FKBP4: variants seen among roughly 807,000 people sequenced by gnomAD.
The protein encoded by FKBP4 is peptidyl-prolyl cis-trans isomerase FKBP4.
A neutral mutation model predicts 54.1 loss-of-function variants in FKBP4; 28 were observed. The observed-to-expected ratio is 0.52, with a 90% CI of 0.38 to 0.71. The LOEUF (loss-of-function observed/expected upper bound fraction) is 0.71, where lower values mean the gene tolerates loss of function less well. FKBP4 is among the 30% of genes least tolerant of loss of function. The pLI is 0.00. For missense variants in FKBP4, 493 were observed against 574.4 expected, an observed-to-expected ratio of 0.86 and a Z score of 1.45; for synonymous variants, 223 against 216.1, an observed-to-expected ratio of 1.03 and a Z score of -0.28.
Position 2,800,930 on chromosome 12 carries a change from C to T in FKBP4, c.1033-187C>T, listed in dbSNP as rs145997787. ...AAAGACCTGCTGTCTTCCCTCTCTGCCTGTTGGATTAAATGAGGTCCCTGG... is the reference window on the plus strand; with the variant it reads ...AAAGACCTGCTGTCTTCCCTCTCTGTCTGTTGGATTAAATGAGGTCCCTGG... On this transcript the variant is annotated intron_variant, in intron 8 of 9. Coordinates refer to ENST00000001008, the MANE Select transcript of FKBP4 (RefSeq NM_002014.4). Among the ~76,000 whole-genome samples, 573 of 150,446 alleles carry T rather than the reference C, an allele frequency of 3.8e-3. 1 individual carries two copies. The highest frequency in any genetic ancestry group is 5.2e-3 in the Non-Finnish European group (354 of 67,658).
chr12:2,802,884 C>T (rs561384613), intron 9 of FKBP4, among the ~76,000 whole-genome samples: 9 of 152,254 alleles, frequency 5.9e-5, no homozygotes, highest in East Asian at 3.9e-4. Context: ...CATGCCACCA[C>T]GCCCAGGTAA....
At position 2,795,123 on chromosome 12, in the gene FKBP4, C is replaced by G. The variant is rs2097900891; in HGVS notation, c.-17C>G. On this transcript the variant is annotated 5_prime_UTR_variant, in exon 1 of 10. Coordinates refer to ENST00000001008, the MANE Select transcript of FKBP4 (RefSeq NM_002014.4). This position sits in a 1 kb window ranked among gnomAD's most constrained non-coding sequence, Gnocchi z 4.3. ...GCGCCGGCACCAGCTCCCGGATAAA[C>G]GGCGCGCCGCGCGGAGATGACAGCC... 1 of 1,293,042 alleles carries G rather than the reference C, an allele frequency of 7.7e-7. No individual in the cohort carries two copies. The highest frequency in any genetic ancestry group is 1.5e-5 in the African/African-American group (1 of 65,560). 80.1% of individuals were successfully genotyped at this position (1,293,042 alleles called of 1,614,324 possible). A position where few individuals can be genotyped will look rare whatever the true frequency, so the allele number is the denominator to read the frequency against.
At chr12:2,800,224 G>A (rs1210858203) in intron 7 of FKBP4, 102 bp downstream of exon 7, 55 of 1,429,894 alleles carry the variant, frequency 3.8e-5, no homozygotes, top group Non-Finnish European at 5.1e-5. Context: ...GAAGTGGACA[G>A]GTTGGCACCT....
chr12:2,798,241 C>G lies in FKBP4; in HGVS notation c.393+370C>G, dbSNP rs2097902949. On this transcript the variant is annotated intron_variant, in intron 3 of 9. Transcript: ENST00000001008. The surrounding 1 kb of genome is among the most constrained non-coding windows in gnomAD (Gnocchi z 4.3). ...AGACCAGAAGAGGGAGCAGTAGCTC[C>G]CCTGTGGGTCAAGGGCTGAGAAAAG... Among the ~76,000 whole-genome samples, 1 of 152,150 alleles carries G rather than the reference C, an allele frequency of 6.6e-6. No homozygotes were observed. Among genetic ancestry groups the G allele is most frequent in the South Asian group, 2.1e-4 (1 of 4,830 alleles).
intron 9 of FKBP4, 134 bp downstream of exon 9, chr12:2,801,490 G>T (rs1375377010): frequency 7.9e-7 from 1 of 1,262,824 alleles, no homozygotes; most frequent in African/African-American, 1.5e-5. Context: ...GCATTAAGGA[G>T]CACGTGTTCC....
In FKBP4 at chr12:2,800,674, G is replaced by A. The variant is rs1453936047; in HGVS notation, c.1032+97G>A. 7 of 1,256,300 alleles carry A rather than the reference G, an allele frequency of 5.6e-6. No homozygotes were observed. In the East Asian group the frequency reaches 9.7e-5, roughly 17 times the overall value. The allele number at this position is 1,256,300 out of a possible 1,614,324, so 77.8% of individuals were successfully genotyped here. A position where few individuals can be genotyped will look rare whatever the true frequency, so the allele number is the denominator to read the frequency against. The stretch of plus-strand genomic sequence containing the variant: ...ACTTCCCCTTGGTGACTAGGGCAGG[G>A]ATAGCAGGGTGGATCAGTGGGAGCT... On this transcript the variant is annotated intron_variant, in intron 8 of 9. Coordinates refer to ENST00000001008, the MANE Select transcript of FKBP4 (RefSeq NM_002014.4).
intron 9 of FKBP4, among the ~76,000 whole-genome samples, chr12:2,802,029 TC>T (rs140526139): frequency 0.031 from 4,670 of 152,320 alleles, 229 homozygotes; most frequent in African/African-American, 0.11. Flanking sequence ...TTATTTTACA[TC>T]CGTATTTAAA....
rs2097904137 is a variant in FKBP4, at chr12:2,800,530, C to G, written c.985C>G (p.His329Asp). ...CTCTCACCTCAACCTGGCCATGTGT[C>G]ATCTGAAACTACAGGCCTTCTCTGC... is the stretch of plus-strand genomic sequence containing the variant. ...LASHLNLAMC[H>D]LKLQAFSAAI... The change falls in exon 8 of 10, where the codon CAT becomes GAT. Residue 329 changes from histidine to aspartate, a missense_variant. Transcript: ENST00000001008. 6.2e-7 allele frequency: 1 copy of G among 1,613,736 alleles called. No homozygotes were observed. Among genetic ancestry groups the G allele is most frequent in the Non-Finnish European group, 8.5e-7 (1 of 1,179,932 alleles).
At position 2,798,806 on chromosome 12, in the gene FKBP4, A is replaced by C; in HGVS notation, c.494A>C (p.Asn165Thr). 6.2e-7 allele frequency: 1 copy of C among 1,614,194 alleles called. No homozygotes were observed. The change falls in exon 4 of 10, where the codon AAT (asparagine) becomes ACT (threonine). Residue 165 changes from asparagine (N) to threonine (T), a missense_variant. Asn to Thr is a moderately conservative substitution (Grantham distance 65, BLOSUM62 0). Transcript: ENST00000001008. The surrounding 1 kb of genome is among the most constrained non-coding windows in gnomAD (Gnocchi z 4.3). ...QTRGEGYAKP[N>T]EGAIVEVALE... ...CGCGGTGAAGGCTATGCTAAGCCCAATGAGGGTGCTATCGTGGAGGGTGAG... is the reference window on the plus strand; with the variant it reads ...CGCGGTGAAGGCTATGCTAAGCCCACTGAGGGTGCTATCGTGGAGGGTGAG...
In FKBP4 at chr12:2,805,210, C is replaced by G. The variant is rs1255169630; in HGVS notation, c.*1952C>G. On this transcript the variant is annotated 3_prime_UTR_variant, in exon 10 of 10. Coordinates refer to ENST00000001008, the MANE Select transcript of FKBP4 (RefSeq NM_002014.4). ...CAGAAGTTAAATGGAAAGGTGAGGT[C>G]TCTGAACTAATCCAGACTCTCCCAT... 1 of 455,920 alleles carries G rather than the reference C, an allele frequency of 2.2e-6. No homozygotes were observed. Among genetic ancestry groups the G allele is most frequent in the Non-Finnish European group, 4.4e-6 (1 of 226,812 alleles). The allele number at this position is 455,920 out of a possible 1,614,324, so 28.2% of individuals were successfully genotyped here. A position where few individuals can be genotyped will look rare whatever the true frequency, so the allele number is the denominator to read the frequency against.
rs2097905899 is a variant in FKBP4 at position 2,803,317 on chromosome 12, C to CTGTTAG, written c.*61_*66dup. On this transcript the variant is annotated 3_prime_UTR_variant, in exon 10 of 10. Coordinates refer to ENST00000001008, the MANE Select transcript of FKBP4 (RefSeq NM_002014.4). ...TGCCCCCCAGTCTCCCCACTCCACC[C>CTGTTAG]TGTTAGTTTTGTAAAAACTGAAGAA... 3 of 1,216,452 alleles carry CTGTTAG rather than the reference C, an allele frequency of 2.5e-6. No homozygotes were observed. The East Asian group carries it at 7.6e-5, about 31-fold the overall frequency. 75.4% of individuals were successfully genotyped at this position (1,216,452 alleles called of 1,614,324 possible).
In FKBP4 at chr12:2,798,563, G is replaced by A. The variant is rs2097903099; in HGVS notation, c.394-143G>A. On this transcript the variant is annotated intron_variant, in intron 3 of 9. Coordinates refer to ENST00000001008, the MANE Select transcript of FKBP4 (RefSeq NM_002014.4). This position sits in a 1 kb window ranked among gnomAD's most constrained non-coding sequence, Gnocchi z 4.3. ...CAGCTCCCAAGAACTGAAAAAAAGTGCCACTCTACCCAACTCCTTGTGACT... is the reference window on the plus strand; with the variant it reads ...CAGCTCCCAAGAACTGAAAAAAAGTACCACTCTACCCAACTCCTTGTGACT... 7.4e-7 allele frequency: 1 copy of A among 1,350,116 alleles called. No individual in the cohort carries two copies. The highest frequency in any genetic ancestry group is 1.0e-6 in the Non-Finnish European group (1 of 979,172). The allele number at this position is 1,350,116 out of a possible 1,614,324, so 83.6% of individuals were successfully genotyped here.
At position 2,796,667 on chromosome 12, in the gene FKBP4, C is replaced by T. The variant is rs2097902038; in HGVS notation, c.106-471C>T. ...CTATTCTCTTCACTCATACTCCTCT[C>T]GCTCTCCTGTCTCCAAACCAGACCT... On this transcript the variant is annotated intron_variant, in intron 1 of 9. Coordinates refer to ENST00000001008, the MANE Select transcript of FKBP4 (RefSeq NM_002014.4). The T allele has an allele frequency of 8.3e-6, 9 of 1,090,504 alleles. 1 individual carries two copies. The Admixed American group carries it at 2.9e-4, about 35-fold the overall frequency. The allele number at this position is 1,090,504 out of a possible 1,614,324, so 67.6% of individuals were successfully genotyped here.
chr12:2,795,357 C>T lies in FKBP4; in HGVS notation c.105+113C>T, dbSNP rs979676679. 209 of 334,250 alleles carry T rather than the reference C, an allele frequency of 6.3e-4. No individual in the cohort carries two copies. The highest frequency in any genetic ancestry group is 1.3e-3 in the Middle Eastern group (1 of 742). 20.7% of individuals were successfully genotyped at this position (334,250 alleles called of 1,614,324 possible). A position where few individuals can be genotyped will look rare whatever the true frequency, so the allele number is the denominator to read the frequency against. On this transcript the variant is annotated intron_variant, in intron 1 of 9. Coordinates refer to ENST00000001008, the MANE Select transcript of FKBP4 (RefSeq NM_002014.4). The surrounding 1 kb of genome is among the most constrained non-coding windows in gnomAD (Gnocchi z 4.3). Reference sequence around the variant, plus strand: ...CGGGTCGAGGCGGCCGCCTTTGCAGCCTCGCGGCCGTCCCGCCGGGGGCCG... The same window carrying T: ...CGGGTCGAGGCGGCCGCCTTTGCAGTCTCGCGGCCGTCCCGCCGGGGGCCG...
Position 2,798,715 on chromosome 12 carries a change from T to C in FKBP4, c.403T>C (p.Phe135Leu). 1 of 1,613,580 alleles carries C rather than the reference T, an allele frequency of 6.2e-7. No homozygotes were observed. The highest frequency in any genetic ancestry group is 8.5e-7 in the Non-Finnish European group (1 of 1,179,972). ...NATLVFEVEL[F>L]EFKGEDLTEE... ...ACATCTTGTCCCACAGGTGGAGTTG[T>C]TTGAGTTTAAGGGAGAAGATCTGAC... The change falls in exon 4 of 10, where the codon TTT becomes CTT. Residue 135 changes from phenylalanine to leucine, a missense_variant. By Grantham distance (22) the Phe-to-Leu change is conservative. Transcript: ENST00000001008. This position sits in a 1 kb window ranked among gnomAD's most constrained non-coding sequence, Gnocchi z 4.3.
chr12:2,801,753 C>A, intron 9 of FKBP4: 3 of 355,284 alleles, frequency 8.4e-6, no homozygotes, highest in South Asian at 4.2e-5. Context: ...AACCCCATCT[C>A]AAAAAAAGAA....
chr12:2,800,949 T>TTCCTTCCTAGA (rs11275794), intron 8 of FKBP4, among the ~76,000 whole-genome samples, 168 bp from the exon 9 acceptor site: 35,425 of 152,070 alleles, frequency 0.23, 4,604 homozygotes, highest in East Asian at 0.47. Flanking sequence ...TTAAATGAGG[T>TTCCTTCCTAGA]CCCTGGATTG....
chr12:2,796,728 G>T, intron 1 of FKBP4: 2 of 1,064,522 alleles, frequency 1.9e-6, no homozygotes, highest in Non-Finnish European at 2.3e-6. Flanking sequence ...GAAGAAGGAG[G>T]AAGTGTGGCA....
rs2097902799 is a variant in FKBP4 at position 2,797,946 on chromosome 12, C to T, written c.393+75C>T. On this transcript the variant is annotated intron_variant, in intron 3 of 9. Transcript: ENST00000001008. ...GCCCAATGCCTGGCTGCCCTCCAGC[C>T]CTTCCTGCTTCTTGGAGACAATGTA... 5 of 1,526,574 alleles carry T rather than the reference C, an allele frequency of 3.3e-6. No individual in the cohort carries two copies. The South Asian group carries it at 6.2e-5, about 19-fold the overall frequency. 94.6% of individuals were successfully genotyped at this position (1,526,574 alleles called of 1,614,324 possible). A position where few individuals can be genotyped will look rare whatever the true frequency, so the allele number is the denominator to read the frequency against.
Sources: allele counts gnomAD v4.1 joint callset (sites outside exome capture counted in the v4.1 genomes callset), GRCh38; gene constraint gnomAD v4.1.1; non-coding constraint Gnocchi (gnomAD v3.1); transcripts MANE v1.5; gene names NCBI Gene and HGNC (gene_info 2026-07-23, HGNC 2026-07-21).